The following UNC79 variants were observed in gnomAD, a reference collection of about 807,000 sequenced individuals.
UNC79 encodes the protein unc-79 subunit of NALCN channel complex.
Under a neutral mutation model 283.1 loss-of-function variants are expected in UNC79, and 37 were observed. That is an observed-to-expected ratio of 0.13 (90% CI 0.10 to 0.17). UNC79 has a LOEUF of 0.17. Among genes scored for constraint, UNC79 ranks in the 10% least tolerant of loss-of-function variants. The pLI, the probability that UNC79 is intolerant of heterozygous loss-of-function variation, is 1.00. For missense variants in UNC79, 2,272 were observed against 3,211.1 expected, an observed-to-expected ratio of 0.71 and a Z score of 7.07; for synonymous variants, 1,107 against 1,200.2, an observed-to-expected ratio of 0.92 and a Z score of 1.61.
At chr14:93,594,800 C>G (rs1254584248) in intron 23 of UNC79, among the ~76,000 whole-genome samples, 2 of 151,978 alleles carry the variant, frequency 1.3e-5, no homozygotes, top group African/African-American at 4.8e-5. Context: ...GGGTAGCAGG[C>G]GGGGTCGGCA....
At chr14:93,584,976 C>A (rs773003467) in intron 20 of UNC79, among the ~76,000 whole-genome samples, 1 of 152,068 alleles carries the variant, frequency 6.6e-6, no homozygotes, top group Non-Finnish European at 1.5e-5. Flanking sequence ...GGATTACAGG[C>A]GTGAGCCACT....
chr14:93,487,561 AT>A (rs33942732), intron 4 of UNC79, 101 bp from the exon 5 acceptor site: 779 of 695,614 alleles, frequency 1.1e-3, no homozygotes, highest in South Asian at 3.4e-3. Context: ...TATTGGAGCT[AT>A]TTTTTTTTTT....
At chr14:93,663,558 T>C (rs1268433295) in intron 40 of UNC79, among the ~76,000 whole-genome samples, 3 of 152,216 alleles carry the variant, frequency 2.0e-5, no homozygotes, top group Non-Finnish European at 4.4e-5. Context: ...AATTTTATAC[T>C]GAGGCTTTCA....
exon 46 of UNC79, chr14:93,691,773 C>T (rs199908820): frequency 1.1e-5 from 17 of 1,614,206 alleles, no homozygotes; most frequent in Non-Finnish European, 1.4e-5. Context: ...CATGTGCTCC[C>T]TCTTCCACGC....
intron 7 of UNC79, among the ~76,000 whole-genome samples, chr14:93,517,631 G>T (rs534913748): frequency 1.3e-5 from 2 of 151,900 alleles, no homozygotes; most frequent in East Asian, 3.9e-4. Context: ...AAATTACATT[G>T]ATTTTCTTGG....
chr14:93,426,253 C>G (rs1443206952), upstream of UNC79, among the ~76,000 whole-genome samples: 1 of 151,804 alleles, frequency 6.6e-6, no homozygotes, highest in African/African-American at 2.4e-5. Context: ...CTGGTTGGTT[C>G]CAAGGTTTTC....
chr14:93,608,304 G>A (rs2066030839), intron 26 of UNC79, among the ~76,000 whole-genome samples: 1 of 152,240 alleles, frequency 6.6e-6, no homozygotes, highest in Non-Finnish European at 1.5e-5. Flanking sequence ...TTGAGTGAAA[G>A]TGACAGTACG....
chr14:93,700,270 T>TA (rs1472780918), intron 47 of UNC79, among the ~76,000 whole-genome samples: 1 of 152,148 alleles, frequency 6.6e-6, no homozygotes, highest in Non-Finnish European at 1.5e-5. Context: ...ATATTTCTGG[T>TA]GCTTGGGTTT....
chr14:93,457,335 A>C (rs2056824397), intron 1 of UNC79, among the ~76,000 whole-genome samples: 1 of 152,238 alleles, frequency 6.6e-6, no homozygotes, highest in South Asian at 2.1e-4. Flanking sequence ...AATGCCATCC[A>C]TGATAGAAGG....
chr14:93,438,663 CTTT>C (rs61646513), intron 1 of UNC79, among the ~76,000 whole-genome samples: 1 of 141,698 alleles, frequency 7.1e-6, no homozygotes. Context: ...CTTTTACGTT[CTTT>C]TTTTTTTTTT....
In UNC79 at chr14:93,532,591, C is replaced by T; in HGVS notation, c.1122+13C>T. 3 of 1,609,988 alleles carry T rather than the reference C, an allele frequency of 1.9e-6. No homozygotes were observed. The highest frequency in any genetic ancestry group is 2.5e-6 in the Non-Finnish European group (3 of 1,177,788). ...ATGTCAGAAAAAGGTAAGAGCAAAC[C>T]ATTTGTGTCGTTGGGGCATGATTTA... On this transcript the variant is annotated intron_variant, in intron 11 of 48. Coordinates refer to ENST00000555664, the Ensembl canonical transcript of UNC79.
chr14:93,587,045 T>A (rs966461899), intron 22 of UNC79, 137 bp downstream of exon 22: 1 of 1,037,634 alleles, frequency 9.6e-7, no homozygotes, highest in African/African-American at 1.6e-5. Flanking sequence ...TGATAACTAC[T>A]TTTATTTTTC....
intron 1 of UNC79, among the ~76,000 whole-genome samples, chr14:93,394,960 G>C (rs901011938): frequency 5.3e-5 from 8 of 152,098 alleles, no homozygotes; most frequent in African/African-American, 1.9e-4. Context: ...CAACCCTTCT[G>C]TCTTGGCCTC....
At chr14:93,456,306 A>G (rs1437223292) in intron 1 of UNC79, among the ~76,000 whole-genome samples, 2 of 152,178 alleles carry the variant, frequency 1.3e-5, no homozygotes, top group African/African-American at 4.8e-5. Context: ...TCATGTCTTT[A>G]TTAGTGAGAA....
At chr14:93,646,075 T>C (rs76307262) in intron 34 of UNC79, among the ~76,000 whole-genome samples, 2,569 of 152,346 alleles carry the variant, frequency 0.017, 69 homozygotes, top group African/African-American at 0.058. Flanking sequence ...CGTATAATTA[T>C]ACTTTTCTGG....
chr14:93,627,970 T>C (rs2067697349), intron 30 of UNC79, among the ~76,000 whole-genome samples: 1 of 152,252 alleles, frequency 6.6e-6, no homozygotes, highest in African/African-American at 2.4e-5. Context: ...CTAGATGAAC[T>C]GCTAGAGCCT....
At chr14:93,540,423 G>A (rs1028360097) in intron 12 of UNC79, among the ~76,000 whole-genome samples, 4 of 152,138 alleles carry the variant, frequency 2.6e-5, no homozygotes, top group African/African-American at 9.7e-5. Flanking sequence ...GCCTCTTTGT[G>A]CCTCAGTTTG....
chr14:93,532,416 G>A lies in UNC79; in HGVS notation c.1094-134G>A, dbSNP rs1595770038. 5 of 1,014,864 alleles carry A rather than the reference G, an allele frequency of 4.9e-6. No individual in the cohort carries two copies. The East Asian group carries it at 1.3e-4, about 27-fold the overall frequency. The allele number at this position is 1,014,864 out of a possible 1,614,324, so 62.9% of individuals were successfully genotyped here. On this transcript the variant is annotated intron_variant, in intron 10 of 48. Coordinates refer to ENST00000555664, the Ensembl canonical transcript of UNC79. ...CAAGGCGTTCAAGAGGCTGTGGTGG[G>A]CTATGATGGTGCCATTGCACTCCAG... is the stretch of plus-strand genomic sequence containing the variant.
intron 1 of UNC79, among the ~76,000 whole-genome samples, chr14:93,461,880 A>C (rs975933994): frequency 6.6e-6 from 1 of 151,948 alleles, no homozygotes; most frequent in Non-Finnish European, 1.5e-5. Flanking sequence ...TCAGTTTTGA[A>C]GTATGAGTAG....
Sources: gnomAD v4.1 joint callset for allele counts (sites outside exome capture counted in the v4.1 genomes callset) on GRCh38, gnomAD v4.1.1 for gene constraint, MANE v1.5 for transcripts, NCBI Gene and HGNC (gene_info 2026-07-23, HGNC 2026-07-21) for gene names.